DOCK2: variants seen among roughly 807,000 people sequenced by gnomAD.
DOCK2 encodes dedicator of cytokinesis protein 2.
Under a neutral mutation model 248.9 loss-of-function variants are expected in DOCK2, and 87 were observed. The observed-to-expected ratio is 0.35, with a 90% CI of 0.29 to 0.42. The LOEUF is 0.42. Among genes scored for constraint, DOCK2 ranks in the 10% least tolerant of loss-of-function variants. The pLI, the probability that DOCK2 is intolerant of heterozygous loss-of-function variation, is 1.00. For missense variants in DOCK2, 1,747 were observed against 2,300.2 expected (o/e 0.76, Z 4.92); for synonymous variants, 805 against 821.6 (o/e 0.98, Z 0.35).
chr5:169,718,546 G>A (rs1322500357), intron 21 of DOCK2, 111 bp from the exon 22 acceptor site: 6 of 1,166,862 alleles, frequency 5.1e-6, no homozygotes, highest in Non-Finnish European at 7.0e-6. Context: ...GAGTAAGTGA[G>A]CTTGGCTCTA....
At chr5:169,912,652 G>A (rs921649504) in intron 27 of DOCK2, among the ~76,000 whole-genome samples, 4 of 151,882 alleles carry the variant, frequency 2.6e-5, no homozygotes, top group Non-Finnish European at 5.9e-5. Flanking sequence ...AGATGCAGGT[G>A]GGTACATTCA....
At chr5:169,665,485 T>C (rs530870029) in intron 2 of DOCK2, among the ~76,000 whole-genome samples, 1 of 151,930 alleles carries the variant, frequency 6.6e-6, no homozygotes, top group African/African-American at 2.4e-5. Flanking sequence ...CACACACATA[T>C]GTATGTGCTT....
chr5:169,860,621 A>C (rs947362340), intron 27 of DOCK2, among the ~76,000 whole-genome samples: 4 of 152,214 alleles, frequency 2.6e-5, no homozygotes, highest in Non-Finnish European at 5.9e-5. Context: ...TGTTTCCCAA[A>C]GTGGGAGACT....
chr5:169,963,636 G>A (rs775680884), intron 27 of DOCK2, among the ~76,000 whole-genome samples: 1 of 152,144 alleles, frequency 6.6e-6, no homozygotes, highest in Admixed American at 6.5e-5. Context: ...ACTGATCTTT[G>A]CTACCCAGAA....
intron 25 of DOCK2, among the ~76,000 whole-genome samples, chr5:169,775,550 A>T (rs183341729): frequency 6.6e-6 from 1 of 152,278 alleles, no homozygotes; most frequent in East Asian, 1.9e-4. Context: ...TGGTGCAAAT[A>T]TAATGTTTAT....
At position 169,841,263 on chromosome 5, in the gene DOCK2, C is replaced by T. The variant is rs931323589; in HGVS notation, c.2799+411C>T. On this transcript the variant is annotated intron_variant, in intron 27 of 51. Coordinates refer to ENST00000520908, the MANE Select transcript of DOCK2 (RefSeq NM_004946.3). ...CTTGGTTTCCTAAGGGGCTTCATTG[C>T]GTGTTAATTCTGCCCATAGATGCTG... 43 of 874,684 alleles carry T rather than the reference C, an allele frequency of 4.9e-5. No homozygotes were observed. The African/African-American group carries it at 7.2e-4, about 15-fold the overall frequency. The allele number at this position is 874,684 out of a possible 1,614,324, so 54.2% of individuals were successfully genotyped here.
chr5:170,018,909 C>A (rs757383676), intron 32 of DOCK2, 51 bp from the exon 33 acceptor site: 12 of 1,595,886 alleles, frequency 7.5e-6, no homozygotes, highest in Admixed American at 1.7e-5. Flanking sequence ...CGGAGGAGGA[C>A]CTGTGCGTCG....
At chr5:169,640,088 T>C (rs1207683102) in intron 1 of DOCK2, among the ~76,000 whole-genome samples, 1 of 152,228 alleles carries the variant, frequency 6.6e-6, no homozygotes, top group Non-Finnish European at 1.5e-5. Flanking sequence ...CCGGTCATAT[T>C]GGATTAGCAT....
chr5:169,956,517 A>T (rs1336254384), intron 27 of DOCK2, among the ~76,000 whole-genome samples: 1 of 152,214 alleles, frequency 6.6e-6, no homozygotes, highest in Non-Finnish European at 1.5e-5. Flanking sequence ...GCTTTTGAAG[A>T]CATGAGCTTG....
intron 35 of DOCK2, among the ~76,000 whole-genome samples, chr5:170,034,801 A>G (rs1361415445): frequency 1.3e-5 from 2 of 152,220 alleles, no homozygotes; most frequent in Non-Finnish European, 2.9e-5. Context: ...TTAGCACTCA[A>G]CACATCACAT....
chr5:169,679,393 G>A (rs1759526681), intron 6 of DOCK2, among the ~76,000 whole-genome samples: 1 of 152,102 alleles, frequency 6.6e-6, no homozygotes, highest in Non-Finnish European at 1.5e-5. Context: ...AGAGGCTGTG[G>A]AGGACAGCCT....
At chr5:169,797,361 A>G (rs903670124) in intron 25 of DOCK2, among the ~76,000 whole-genome samples, 3 of 152,222 alleles carry the variant, frequency 2.0e-5, no homozygotes, top group African/African-American at 7.2e-5. Flanking sequence ...AGTTCTTCCA[A>G]TGGAGCTGAT....
At chr5:169,710,380 A>G (rs1665072618) in intron 15 of DOCK2, among the ~76,000 whole-genome samples, 1 of 152,204 alleles carries the variant, frequency 6.6e-6, no homozygotes, top group African/African-American at 2.4e-5. Flanking sequence ...AAGCTGCACC[A>G]TTCTACTCAG....
At chr5:169,887,194 C>A (rs772292876) in intron 27 of DOCK2, among the ~76,000 whole-genome samples, 19 of 152,190 alleles carry the variant, frequency 1.2e-4, no homozygotes, top group Admixed American at 9.2e-4. Flanking sequence ...ACTCCCTCCA[C>A]ATTTTCATTC....
intron 27 of DOCK2, among the ~76,000 whole-genome samples, chr5:169,881,915 A>G (rs918254731): frequency 1.1e-4 from 17 of 152,218 alleles, no homozygotes; most frequent in Admixed American, 2.6e-4. Flanking sequence ...AGGGACGAGC[A>G]TTTCGCATCT....
intron 26 of DOCK2, among the ~76,000 whole-genome samples, chr5:169,809,009 T>C (rs1414578602): frequency 6.6e-6 from 1 of 151,798 alleles, no homozygotes; most frequent in Non-Finnish European, 1.5e-5. Context: ...TTTTTTTCTT[T>C]GAGATAAGGT....
At chr5:169,936,703 C>G (rs1204149637) in intron 27 of DOCK2, among the ~76,000 whole-genome samples, 3 of 150,878 alleles carry the variant, frequency 2.0e-5, no homozygotes, top group African/African-American at 7.3e-5. Flanking sequence ...TCCTGGGGGG[C>G]GCGCTCCAGC....
intron 25 of DOCK2, among the ~76,000 whole-genome samples, chr5:169,766,213 C>T (rs12520740): frequency 0.092 from 13,939 of 152,020 alleles, 1,126 homozygotes; most frequent in Admixed American, 0.28. Context: ...TTGATCCTTA[C>T]CCTCCTCCCA....
chr5:169,986,204 A>G (rs1269252657), intron 29 of DOCK2, among the ~76,000 whole-genome samples: 8 of 152,210 alleles, frequency 5.3e-5, no homozygotes, highest in Admixed American at 5.2e-4. Context: ...TTAGAAAAGC[A>G]TTTTAAAAAT....
Sources: allele counts gnomAD v4.1 joint callset (sites outside exome capture counted in the v4.1 genomes callset), GRCh38; gene constraint gnomAD v4.1.1; transcripts MANE v1.5; gene names NCBI Gene and HGNC (gene_info 2026-07-23, HGNC 2026-07-21).